The following APP variants were observed in gnomAD, a reference collection of about 807,000 sequenced individuals.
APP encodes amyloid beta precursor protein.
Under a neutral mutation model 101.4 loss-of-function variants are expected in APP, and 31 were observed. The observed-to-expected ratio is 0.31, with a 90% CI of 0.23 to 0.41. APP has a LOEUF of 0.41. APP is among the 10% of genes least tolerant of loss of function. APP has a pLI of 1.00. For missense variants in APP, 839 were observed against 1,003.7 expected (o/e 0.84, Z 2.22); for synonymous variants, 366 against 364.4 (o/e 1.00, Z -0.05).
chr21:25,933,602 G>A lies in APP; in HGVS notation c.1687+20988C>T, dbSNP rs45454493. Among the ~76,000 whole-genome samples, 466 of 152,206 alleles carry A rather than the reference G, an allele frequency of 3.1e-3. 1 individual carries two copies. Among genetic ancestry groups the A allele is most frequent in the African/African-American group, 0.011 (449 of 41,532 alleles). On this transcript the variant is annotated intron_variant, in intron 13 of 17. Coordinates refer to ENST00000346798, the MANE Select transcript of APP (RefSeq NM_000484.4). The stretch of plus-strand genomic sequence containing the variant: ...CAATCCTTACTTGGCTACACTATAA[G>A]CTTCAACAACAAATTAAAAAATGAT...
chr21:25,955,542 G>A, intron 12 of APP, 85 bp downstream of exon 12: 1 of 1,596,616 alleles, frequency 6.3e-7, no homozygotes, highest in Non-Finnish European at 8.6e-7. Context: ...GGTGCTCGGA[G>A]AATGCGTGGG....
At chr21:25,954,308 A>G (rs1048059282) in intron 13 of APP, among the ~76,000 whole-genome samples, 1 of 152,236 alleles carries the variant, frequency 6.6e-6, no homozygotes, top group African/African-American at 2.4e-5. Flanking sequence ...GATTGGGCAA[A>G]TTAGAAAAAA....
intron 1 of APP, among the ~76,000 whole-genome samples, chr21:26,141,932 G>A (rs758658318): frequency 3.9e-5 from 6 of 152,130 alleles, no homozygotes; most frequent in South Asian, 2.1e-4. Flanking sequence ...GCCAACACCC[G>A]GTACATACCC....
chr21:25,922,931 A>G (rs1334851785), intron 13 of APP, among the ~76,000 whole-genome samples: 4,008 of 140,596 alleles, frequency 0.029, 128 homozygotes, highest in African/African-American at 0.11. Flanking sequence ...AGTCAATCCT[A>G]AGCCAAAAGA....
chr21:26,069,324 A>C (rs1219277757), intron 3 of APP, among the ~76,000 whole-genome samples: 4 of 152,160 alleles, frequency 2.6e-5, no homozygotes, highest in African/African-American at 7.2e-5. Flanking sequence ...TGTAATACTC[A>C]GACACAGCAC....
rs573030173 is a variant in APP, at chr21:25,899,994, G to A, written c.1964-2321C>T. On this transcript the variant is annotated intron_variant, in intron 15 of 17. Coordinates refer to ENST00000346798, the MANE Select transcript of APP (RefSeq NM_000484.4). The stretch of plus-strand genomic sequence containing the variant: ...CCCTCAACCCCCAACTTCTTGCTAC[G>A]AGACCCACAGAGTTCTCTATTCTTA... 3.3e-5 allele frequency among the ~76,000 whole-genome samples: 5 copies of A among 152,094 alleles called. 1 individual carries two copies. Among genetic ancestry groups the A allele is most frequent in the African/African-American group, 9.6e-5 (4 of 41,486 alleles).
Position 26,069,193 on chromosome 21 carries a change from A to G in APP, c.356-15845T>C, listed in dbSNP as rs144544179. Reference sequence around the variant, plus strand: ...AGGAGGTCATAAAAATCATGCTTCCACTTTCTCAATAGATACTTATCGCTC... The same window carrying G: ...AGGAGGTCATAAAAATCATGCTTCCGCTTTCTCAATAGATACTTATCGCTC... On this transcript the variant is annotated intron_variant, in intron 3 of 17. Coordinates refer to ENST00000346798, the MANE Select transcript of APP (RefSeq NM_000484.4). Among the ~76,000 whole-genome samples, 725 of 152,228 alleles carry G rather than the reference A, an allele frequency of 4.8e-3. 5 individuals are homozygous for G. Among genetic ancestry groups the G allele is most frequent in the Non-Finnish European group, 5.6e-3 (380 of 68,002 alleles).
At chr21:25,935,789 G>A (rs527333778) in intron 13 of APP, among the ~76,000 whole-genome samples, 4 of 137,596 alleles carry the variant, frequency 2.9e-5, no homozygotes, top group South Asian at 2.3e-4. Flanking sequence ...GTAGTGAGCC[G>A]AGATCGTGCC....
rs757919842 is a variant in APP at position 26,080,127 on chromosome 21, TAAAC to T, written c.355+9812_355+9815del. 1.7e-3 allele frequency among the ~76,000 whole-genome samples: 265 copies of T among 152,214 alleles called. 2 individuals are homozygous for T. Among genetic ancestry groups the T allele is most frequent in the African/African-American group, 5.8e-3 (240 of 41,546 alleles). On this transcript the variant is annotated intron_variant, in intron 3 of 17. Coordinates refer to ENST00000346798, the MANE Select transcript of APP (RefSeq NM_000484.4). The stretch of plus-strand genomic sequence containing the variant: ...TGACAGGAGTGAAATTCCGTCTCAA[TAAAC>T]AAACAAACAAACAAAGCAGCATCCA...
At position 26,078,001 on chromosome 21, in the gene APP, T is replaced by G. The variant is rs1353598205; in HGVS notation, c.355+11942A>C. On this transcript the variant is annotated intron_variant, in intron 3 of 17. Transcript: ENST00000346798. ...AATATTTCCTAACAGCCTTTGACAC[T>G]GAAATTAAAATACGTCTTAATCCAG... Among the ~76,000 whole-genome samples, 4 of 152,232 alleles carry G rather than the reference T, an allele frequency of 2.6e-5. No individual in the cohort carries two copies. The East Asian group carries it at 5.8e-4, about 22-fold the overall frequency.
chr21:25,917,776 C>T (rs552087589), intron 13 of APP, among the ~76,000 whole-genome samples: 2 of 152,014 alleles, frequency 1.3e-5, no homozygotes, highest in Non-Finnish European at 2.9e-5. Context: ...ATCCATCTGA[C>T]AAAGGTCTAA....
At chr21:25,920,211 A>G (rs961106758) in intron 13 of APP, among the ~76,000 whole-genome samples, 1 of 152,022 alleles carries the variant, frequency 6.6e-6, no homozygotes, top group African/African-American at 2.4e-5. Flanking sequence ...CTGCCCTAAA[A>G]GAGCTCCTGA....
chr21:26,144,985 C>T (rs985521187), intron 1 of APP, among the ~76,000 whole-genome samples: 3 of 152,120 alleles, frequency 2.0e-5, no homozygotes, highest in African/African-American at 7.2e-5. Flanking sequence ...TTTTATAATA[C>T]AATAAAACGT....
chr21:25,887,264 C>CTT (rs1308659338), intron 17 of APP, among the ~76,000 whole-genome samples: 1 of 152,122 alleles, frequency 6.6e-6, no homozygotes, highest in East Asian at 1.9e-4. Context: ...GATTAGTGGG[C>CTT]TTTGCAGGAA....
chr21:25,924,427 AG>A lies in APP; in HGVS notation c.1688-12466del, dbSNP rs1269069324. ...TTGCAAATACAAAAAAAAAAAAAAAAGGAAAAAAAAAAAGGTTGAGTTCATG... is the reference window on the plus strand; with the variant it reads ...TTGCAAATACAAAAAAAAAAAAAAAAGAAAAAAAAAAAGGTTGAGTTCATG... On this transcript the variant is annotated intron_variant, in intron 13 of 17. Transcript: ENST00000346798. Among the ~76,000 whole-genome samples, 69 of 87,760 alleles carry A rather than the reference AG, an allele frequency of 7.9e-4. 2 individuals carry two copies. The highest frequency in any genetic ancestry group is 2.5e-3 in the African/African-American group (50 of 19,682). 57.6% of individuals were successfully genotyped at this position (87,760 alleles called of 152,430 possible). A position where few individuals can be genotyped will look rare whatever the true frequency, so the allele number is the denominator to read the frequency against.
chr21:26,005,693 G>C (rs1462143585), intron 6 of APP, among the ~76,000 whole-genome samples: 3 of 152,162 alleles, frequency 2.0e-5, no homozygotes, highest in Non-Finnish European at 2.9e-5. Context: ...TCAAGAGAGA[G>C]TTCAAATGCT....
intron 3 of APP, among the ~76,000 whole-genome samples, chr21:26,084,926 CTTT>C (rs1388989980): frequency 6.6e-6 from 1 of 152,146 alleles, no homozygotes; most frequent in African/African-American, 2.4e-5. Context: ...ACTTTCAAGT[CTTT>C]TGACTTTTTT....
At chr21:25,988,780 C>T (rs533313750) in intron 8 of APP, among the ~76,000 whole-genome samples, 1 of 151,236 alleles carries the variant, frequency 6.6e-6, no homozygotes, top group Non-Finnish European at 1.5e-5. Context: ...GGTTGTTGCC[C>T]TCAGCCCCCT....
At chr21:26,094,786 C>A (rs986606473) in intron 2 of APP, among the ~76,000 whole-genome samples, 7 of 151,312 alleles carry the variant, frequency 4.6e-5, no homozygotes, top group Non-Finnish European at 1.0e-4. Context: ...TAGTTTCAGT[C>A]CAAAAATATT....
Sources: gnomAD v4.1 joint callset for allele counts (sites outside exome capture counted in the v4.1 genomes callset) on GRCh38, gnomAD v4.1.1 for gene constraint, MANE v1.5 for transcripts, NCBI Gene and HGNC (gene_info 2026-07-23, HGNC 2026-07-21) for gene names.